TNS3: variants seen among roughly 807,000 people sequenced by gnomAD.
The protein encoded by TNS3 is tensin 3.
In TNS3, 45 loss-of-function variants were observed where a neutral mutation model predicts 140.9. That is an observed-to-expected ratio of 0.32 (90% confidence interval 0.25 to 0.41). TNS3 has a LOEUF of 0.41. Among genes scored for constraint, TNS3 ranks in the 10% least tolerant of loss-of-function variants. The probability of loss-of-function intolerance (pLI) is 1.00; values close to 1 mark genes in which losing one functional copy is unlikely to be tolerated. For missense variants in TNS3, 1,716 were observed against 1,906.7 expected, an observed-to-expected ratio of 0.90 and a Z score of 1.86; for synonymous variants, 815 against 788.4, an observed-to-expected ratio of 1.03 and a Z score of -0.56.
Position 47,424,200 on chromosome 7 carries a change from A to C in TNS3, c.390-16T>G, listed in dbSNP as rs1257090806. The C allele has an allele frequency of 6.2e-7, 1 of 1,613,514 alleles. No homozygotes were observed. The highest frequency in any genetic ancestry group is 8.5e-7 in the Non-Finnish European group (1 of 1,179,712). ...CTGGTCGGCGCTGAAGGGGAGAGAG[A>C]GAGAAAGAGAGTTAACTCAGTGGAG... On this transcript the variant is annotated splice_polypyrimidine_tract_variant and intron_variant, in intron 9 of 30. Transcript: ENST00000311160.
chr7:47,477,244 G>C (rs1797231412), intron 4 of TNS3, among the ~76,000 whole-genome samples: 1 of 152,182 alleles, frequency 6.6e-6, no homozygotes, highest in Non-Finnish European at 1.5e-5. Flanking sequence ...CCCTCAGCCA[G>C]CACAACTCCA....
intron 4 of TNS3, among the ~76,000 whole-genome samples, chr7:47,442,710 C>T (rs1450002087): frequency 6.6e-6 from 1 of 152,142 alleles, no homozygotes; most frequent in Non-Finnish European, 1.5e-5. Context: ...ATGGGGAAAC[C>T]CAGACACCCA....
chr7:47,553,749 C>T (rs1366308136), intron 1 of TNS3, among the ~76,000 whole-genome samples: 1 of 152,042 alleles, frequency 6.6e-6, no homozygotes, highest in African/African-American at 2.4e-5. Context: ...AACATCCATT[C>T]TATGGCCCAT....
rs1026115223 is a variant in TNS3, at chr7:47,388,261, G to A, written c.1024+8539C>T. Among the ~76,000 whole-genome samples, 117 of 152,198 alleles carry A rather than the reference G, an allele frequency of 7.7e-4. 1 individual carries two copies. Among genetic ancestry groups the A allele is most frequent in the African/African-American group, 2.4e-3 (100 of 41,540 alleles). On this transcript the variant is annotated intron_variant, in intron 16 of 30. Transcript: ENST00000311160. ...ACACACACATACACACACACACACTGCTGCTCACGCTAGGTGTGAGAAGCT... is the reference window on the plus strand; with the variant it reads ...ACACACACATACACACACACACACTACTGCTCACGCTAGGTGTGAGAAGCT...
chr7:47,442,571 G>C (rs1584670425), intron 4 of TNS3, among the ~76,000 whole-genome samples: 1 of 152,144 alleles, frequency 6.6e-6, no homozygotes, highest in Non-Finnish European at 1.5e-5. Context: ...TATATACTAT[G>C]GTGACAGAGA....
At chr7:47,345,903 T>TA (rs1315857634) in intron 18 of TNS3, among the ~76,000 whole-genome samples, 2 of 152,204 alleles carry the variant, frequency 1.3e-5, no homozygotes, top group Non-Finnish European at 2.9e-5. Flanking sequence ...GATTAGAACA[T>TA]AGAGGCTCGA....
At chr7:47,476,629 G>C (rs183738980) in intron 4 of TNS3, among the ~76,000 whole-genome samples, 28 of 152,272 alleles carry the variant, frequency 1.8e-4, no homozygotes, top group Admixed American at 7.2e-4. Flanking sequence ...CATTCTGCTC[G>C]ACTCATGGAG....
At chr7:47,487,797 A>G (rs1028640869) in intron 3 of TNS3, among the ~76,000 whole-genome samples, 1 of 152,264 alleles carries the variant, frequency 6.6e-6, no homozygotes, top group Non-Finnish European at 1.5e-5. Context: ...TAAGTTGCAA[A>G]GACTCAGAAA....
At chr7:47,448,602 C>A (rs1038807616) in intron 4 of TNS3, among the ~76,000 whole-genome samples, 1 of 151,752 alleles carries the variant, frequency 6.6e-6, no homozygotes, top group Non-Finnish European at 1.5e-5. Context: ...GCTTCAGCCT[C>A]CCGAGTAGCT....
chr7:47,570,795 C>CTTCTAAAG (rs986055881), intron 1 of TNS3, among the ~76,000 whole-genome samples: 3 of 152,230 alleles, frequency 2.0e-5, no homozygotes, highest in Non-Finnish European at 4.4e-5. Context: ...CTCTAAGCTC[C>CTTCTAAAG]TTCTAAAGCT....
At chr7:47,524,864 C>T (rs914253816) in intron 2 of TNS3, among the ~76,000 whole-genome samples, 5 of 146,122 alleles carry the variant, frequency 3.4e-5, no homozygotes, top group Non-Finnish European at 7.4e-5. Flanking sequence ...TGCATCCCTG[C>T]GGTGGAAAGT....
rs116290456 is a variant in TNS3, at chr7:47,500,520, A to G, written c.-115+6387T>C. 8.5e-3 allele frequency among the ~76,000 whole-genome samples: 1,298 copies of G among 152,330 alleles called. 19 individuals carry two copies. Among genetic ancestry groups the G allele is most frequent in the African/African-American group, 0.03 (1,264 of 41,568 alleles). On this transcript the variant is annotated intron_variant, in intron 3 of 30. Coordinates refer to ENST00000311160, the MANE Select transcript of TNS3 (RefSeq NM_022748.12). ...GTGTGACGAGTAAATGACAGAGCAT[A>G]TCTAAAGCACTCGGCAGGGTCCTGC...
At chr7:47,282,576 C>T (rs560707375) in intron 28 of TNS3, among the ~76,000 whole-genome samples, 3 of 152,306 alleles carry the variant, frequency 2.0e-5, no homozygotes, top group African/African-American at 4.8e-5. Context: ...CCTGTCCCTG[C>T]GTGTGCCACA....
chr7:47,485,882 T>G (rs2960229), intron 3 of TNS3, among the ~76,000 whole-genome samples: 151,065 of 152,362 alleles, frequency 0.99, 74,907 homozygotes, highest in East Asian at 1. Context: ...GAGGGACAAG[T>G]GCTTGCCACC....
chr7:47,383,539 A>C (rs1229256446), intron 16 of TNS3, among the ~76,000 whole-genome samples: 1 of 152,198 alleles, frequency 6.6e-6, no homozygotes, highest in South Asian at 2.1e-4. Flanking sequence ...TAGAATGGTA[A>C]ATTTATGTGC....
intron 1 of TNS3, among the ~76,000 whole-genome samples, chr7:47,555,392 A>G (rs1208772938): frequency 7.2e-6 from 1 of 139,860 alleles, no homozygotes; most frequent in Admixed American, 7.2e-5. Flanking sequence ...CAAGAGCAAG[A>G]CTTTGTCTCA....
intron 17 of TNS3, among the ~76,000 whole-genome samples, chr7:47,354,816 C>T (rs533915519): frequency 1.8e-4 from 27 of 152,210 alleles, no homozygotes; most frequent in Middle Eastern, 3.4e-3. Context: ...CCCCTCTTGT[C>T]GCGGTGACAC....
intron 2 of TNS3, among the ~76,000 whole-genome samples, chr7:47,510,830 G>A (rs1584792708): frequency 6.8e-6 from 1 of 147,676 alleles, no homozygotes; most frequent in African/African-American, 2.5e-5. Flanking sequence ...AGCCGAGATC[G>A]TGCCCTGGGT....
At position 47,536,364 on chromosome 7, in the gene TNS3, T is replaced by C. The variant is rs531672859; in HGVS notation, c.-264-7217A>G. ...AACTTAGGGAAAGGGAGGCTGAACC[T>C]AGCGGGGAGCCAACCAGCACCGCTC... On this transcript the variant is annotated intron_variant, in intron 1 of 30. Coordinates refer to ENST00000311160, the MANE Select transcript of TNS3 (RefSeq NM_022748.12). Among the ~76,000 whole-genome samples, 9 of 131,864 alleles carry C rather than the reference T, an allele frequency of 6.8e-5. No individual in the cohort carries two copies. In the South Asian group the frequency reaches 2.3e-3, roughly 33 times the overall value. 86.5% of individuals were successfully genotyped at this position (131,864 alleles called of 152,430 possible).
Sources: gnomAD v4.1 joint callset for allele counts (sites outside exome capture counted in the v4.1 genomes callset) on GRCh38, gnomAD v4.1.1 for gene constraint, MANE v1.5 for transcripts, NCBI Gene and HGNC (gene_info 2026-07-23, HGNC 2026-07-21) for gene names.